Variants in AREL1 observed in about 807,000 individuals in gnomAD.
AREL1 encodes the protein apoptosis-resistant E3 ubiquitin protein ligase 1.
Under a neutral mutation model 99.0 loss-of-function variants are expected in AREL1, and 62 were observed. That is an observed-to-expected ratio of 0.63 (90% CI 0.51 to 0.77). AREL1 has a LOEUF of 0.77. Ranked by LOEUF, AREL1 falls within the 30% of genes least tolerant of loss-of-function variation. The pLI is 0.00. For missense variants in AREL1, 879 were observed against 1,027.6 expected (o/e 0.86, Z 1.98); for synonymous variants, 380 against 376.5 (o/e 1.01, Z -0.11).
Position 74,683,468 on chromosome 14 carries a change from A to C in AREL1, c.309T>G (p.Ser103=), listed in dbSNP as rs769710771. 2.4e-5 allele frequency: 39 copies of C among 1,614,004 alleles called. 1 individual carries two copies. The South Asian group carries it at 4.3e-4, about 18-fold the overall frequency. Residue 103 remains serine, a synonymous_variant, in exon 5 of 20, where the codon TCT becomes TCG. Coordinates refer to ENST00000356357, the MANE Select transcript of AREL1 (RefSeq NM_001039479.2). ...HRPVGLRVHI[S]HVELAVEIPV... is the part of the protein sequence containing the mutation. The stretch of plus-strand genomic sequence containing the variant: ...GAATTTCCACTGCTAGCTCGACATG[A>C]GAGATGTGAACTCTTAGTCCCACAG...
intron 15 of AREL1, 142 bp from the exon 16 acceptor site, chr14:74,667,736 T>A (rs765147339): frequency 2.8e-6 from 3 of 1,082,356 alleles, no homozygotes; most frequent in Non-Finnish European, 3.9e-6. Flanking sequence ...ATTCAGCTTT[T>A]CAACACACTT....
intron 9 of AREL1, among the ~76,000 whole-genome samples, chr14:74,673,544 T>TA: frequency 6.6e-6 from 1 of 152,218 alleles, no homozygotes; most frequent in Non-Finnish European, 1.5e-5. Context: ...TAAGGATATA[T>TA]TAAACAGCAA....
In AREL1 at chr14:74,676,676, G is replaced by A; in HGVS notation, c.558C>T (p.Thr186=). Residue 186 remains threonine, a synonymous_variant, in exon 6 of 20, where the codon ACC becomes ACT. Coordinates refer to ENST00000356357, the MANE Select transcript of AREL1 (RefSeq NM_001039479.2). ...ACTCATCTCGGGGTACTATTTGAAG[G>A]GTGTGCGGCTGCCCACAGGTCAATA... ...TLVLTCGQPH[T]LQIVPRDEYD... 6.2e-7 allele frequency: 1 copy of A among 1,614,100 alleles called. No homozygotes were observed. The highest frequency in any genetic ancestry group is 8.5e-7 in the Non-Finnish European group (1 of 1,179,986).
At position 74,661,722 on chromosome 14, in the gene AREL1, G is replaced by A. The variant is rs9441; in HGVS notation, c.*1998C>T. 60,016 of 158,276 alleles carry A rather than the reference G, an allele frequency of 0.38. 13,568 individuals are homozygous for A. Among genetic ancestry groups the A allele is most frequent in the Non-Finnish European group, 0.5 (36,304 of 71,986 alleles). 9.8% of individuals were successfully genotyped at this position (158,276 alleles called of 1,614,324 possible). ...GTGCCAAAGGGTTTTGTTTAACAAA[G>A]ACTGGTGCCTAAGGACCACCACAGG... is the stretch of plus-strand genomic sequence containing the variant. On this transcript the variant is annotated 3_prime_UTR_variant, in exon 20 of 20. Transcript: ENST00000356357.
intron 1 of AREL1, among the ~76,000 whole-genome samples, chr14:74,702,484 A>C (rs1460541561): frequency 6.6e-6 from 1 of 152,102 alleles, no homozygotes; most frequent in Non-Finnish European, 1.5e-5. Flanking sequence ...ACAGGGCACC[A>C]AGTCCCTACA....
chr14:74,681,787 A>AC (rs957028689), intron 5 of AREL1, among the ~76,000 whole-genome samples: 6 of 145,012 alleles, frequency 4.1e-5, no homozygotes, highest in African/African-American at 1.5e-4. Context: ...AGAAAAAAAA[A>AC]AAAAGAAAGA....
chr14:74,671,321 CTTTTTTTTTTT>C (rs34340758), intron 12 of AREL1, 76 bp downstream of exon 12: 1,422 of 125,962 alleles, frequency 0.011, 56 homozygotes, highest in African/African-American at 0.079. Context: ...GTAAGAGTTG[CTTTTTTTTTTT>C]TTTTTTTTTT....
chr14:74,679,890 A>T (rs1278660349), intron 5 of AREL1, among the ~76,000 whole-genome samples: 1 of 152,076 alleles, frequency 6.6e-6, no homozygotes, highest in Non-Finnish European at 1.5e-5. Flanking sequence ...GATAATGGGC[A>T]AAAGGGCCAG....
intron 17 of AREL1, among the ~76,000 whole-genome samples, chr14:74,666,013 A>C (rs1461964467): frequency 6.6e-6 from 1 of 152,246 alleles, no homozygotes; most frequent in Non-Finnish European, 1.5e-5. Context: ...TCCTCAGCCC[A>C]AAAAATAACA....
chr14:74,690,354 C>A (rs1291686534), intron 2 of AREL1, among the ~76,000 whole-genome samples: 1 of 151,450 alleles, frequency 6.6e-6, no homozygotes, highest in Non-Finnish European at 1.5e-5. Context: ...AATGTCTGTC[C>A]TTTTCTTTGT....
At chr14:74,670,976 T>C (rs2089323951) in intron 12 of AREL1, 105 bp from the exon 13 acceptor site, 1 of 819,566 alleles carries the variant, frequency 1.2e-6, no homozygotes, top group Non-Finnish European at 2.0e-6. Context: ...TCTATTGTAC[T>C]ACTCTGGTGT....
rs1377937890 is a variant in AREL1 at position 74,664,943 on chromosome 14, G to A, written c.2104-18C>T. ...ATCAGCAGCTGGAAAAAGATGGTAA[G>A]GTGTTACTATGACAGTCAGAGAGAC... On this transcript the variant is annotated intron_variant, in intron 17 of 19. Coordinates refer to ENST00000356357, the MANE Select transcript of AREL1 (RefSeq NM_001039479.2). 2 of 1,607,340 alleles carry A rather than the reference G, an allele frequency of 1.2e-6. No homozygotes were observed. Among genetic ancestry groups the A allele is most frequent in the African/African-American group, 2.7e-5 (2 of 74,702 alleles).
chr14:74,667,714 T>C (rs2089240069), intron 15 of AREL1, 120 bp from the exon 16 acceptor site: 1 of 1,318,138 alleles, frequency 7.6e-7, no homozygotes, highest in Non-Finnish European at 1.0e-6. Context: ...CAGTCACAAG[T>C]TTCTGCTGTG....
At chr14:74,708,809 A>G (rs1301827325) in intron 1 of AREL1, among the ~76,000 whole-genome samples, 1 of 152,214 alleles carries the variant, frequency 6.6e-6, no homozygotes, top group Non-Finnish European at 1.5e-5. Context: ...TAAATGACAA[A>G]ACATGTATCT....
chr14:74,680,191 A>G (rs2089597796), intron 5 of AREL1, among the ~76,000 whole-genome samples: 2 of 151,980 alleles, frequency 1.3e-5, no homozygotes, highest in Admixed American at 1.3e-4. Context: ...AAAAGAAAAA[A>G]AGAAAGAAAG....
At position 74,684,708 on chromosome 14, in the gene AREL1, G is replaced by A. The variant is rs117214661; in HGVS notation, c.17-28C>T. 3,375 of 1,596,990 alleles carry A rather than the reference G, an allele frequency of 2.1e-3. 120 individuals are homozygous for A. The East Asian group carries it at 0.06, about 28-fold the overall frequency. On this transcript the variant is annotated intron_variant, in intron 3 of 19. Transcript: ENST00000356357. The stretch of plus-strand genomic sequence containing the variant: ...ATGCAAAAGAGAGAACACACAAACC[G>A]CCTGCCAGTTACACATTACAGCTTT...
At chr14:74,710,362 T>C (rs1419289357) in intron 1 of AREL1, among the ~76,000 whole-genome samples, 1 of 152,222 alleles carries the variant, frequency 6.6e-6, no homozygotes, top group Admixed American at 6.5e-5. Flanking sequence ...AAATGGCCTT[T>C]TTTTAAGTTG....
chr14:74,662,302 G>A lies in AREL1; in HGVS notation c.*1418C>T. On this transcript the variant is annotated 3_prime_UTR_variant, in exon 20 of 20. Coordinates refer to ENST00000356357, the MANE Select transcript of AREL1 (RefSeq NM_001039479.2). ...GAGGCCAAGGCATTGCCAAAGTCCT[G>A]CCTTGTTTCAGGACTCTGTGTACTT... 1 of 327,850 alleles carries A rather than the reference G, an allele frequency of 3.1e-6. No individual in the cohort carries two copies. The highest frequency in any genetic ancestry group is 5.5e-6 in the Non-Finnish European group (1 of 181,434). 20.3% of individuals were successfully genotyped at this position (327,850 alleles called of 1,614,324 possible).
In AREL1 at chr14:74,698,414, G is replaced by T. The variant is rs74694089; in HGVS notation, c.-333-6086C>A. 9.4e-3 allele frequency among the ~76,000 whole-genome samples: 1,428 copies of T among 152,236 alleles called. 19 individuals carry two copies. The highest frequency in any genetic ancestry group is 0.033 in the African/African-American group (1,358 of 41,524). On this transcript the variant is annotated intron_variant, in intron 1 of 19. Coordinates refer to ENST00000356357, the MANE Select transcript of AREL1 (RefSeq NM_001039479.2). ...CCCAAATCTGGGAGGCATGAAATGGGGTTACAGTCTAATTCACTCGATAAT... is the reference window on the plus strand; with the variant it reads ...CCCAAATCTGGGAGGCATGAAATGGTGTTACAGTCTAATTCACTCGATAAT...
Sources: allele counts gnomAD v4.1 joint callset (sites outside exome capture counted in the v4.1 genomes callset), GRCh38; gene constraint gnomAD v4.1.1; transcripts MANE v1.5; gene names NCBI Gene and HGNC (gene_info 2026-07-23, HGNC 2026-07-21).